EYA1: variants seen among roughly 807,000 people sequenced by gnomAD.
EYA1 encodes protein phosphatase EYA1.
A neutral mutation model predicts 82.0 loss-of-function variants in EYA1; 16 were observed. The ratio of observed to expected loss-of-function variants is 0.20; its 90% confidence interval spans 0.13 to 0.30. EYA1 has a LOEUF of 0.30. EYA1 is among the 10% of genes least tolerant of loss of function. The probability of loss-of-function intolerance (pLI) is 1.00; values close to 1 mark genes in which losing one functional copy is unlikely to be tolerated. For synonymous variants in EYA1, 261 were observed against 264.4 expected (o/e 0.99, Z 0.12); for missense variants, 633 against 730.7 (o/e 0.87, Z 1.54).
intron 2 of EYA1, among the ~76,000 whole-genome samples, chr8:71,395,573 T>C (rs1022933470): frequency 2.0e-5 from 3 of 152,230 alleles, no homozygotes; most frequent in African/African-American, 7.2e-5. Flanking sequence ...TCTTTGGTTC[T>C]GTTTATATGC....
chr8:71,251,201 T>C (rs1009723545), intron 11 of EYA1, among the ~76,000 whole-genome samples: 1 of 152,258 alleles, frequency 6.6e-6, no homozygotes, highest in Non-Finnish European at 1.5e-5. Context: ...TTGTAAAATA[T>C]GTTCTTATGT....
chr8:71,532,908 G>A (rs1814403886), intron 2 of EYA1, among the ~76,000 whole-genome samples: 1 of 152,144 alleles, frequency 6.6e-6, no homozygotes, highest in South Asian at 2.1e-4. Flanking sequence ...ATTTTTAAAA[G>A]AATATATCAT....
intron 17 of EYA1, among the ~76,000 whole-genome samples, chr8:71,207,070 C>T (rs952662783): frequency 3.3e-5 from 5 of 152,140 alleles, no homozygotes; most frequent in African/African-American, 1.2e-4. Flanking sequence ...TTGTTACTTA[C>T]TAATATTATG....
At chr8:71,232,065 T>C (rs1811262259) in intron 12 of EYA1, among the ~76,000 whole-genome samples, 1 of 152,236 alleles carries the variant, frequency 6.6e-6, no homozygotes, top group Non-Finnish European at 1.5e-5. Flanking sequence ...CAATGATGTT[T>C]GCAAAAGAAA....
At chr8:71,274,621 C>A (rs977137016) in intron 9 of EYA1, among the ~76,000 whole-genome samples, 12 of 152,274 alleles carry the variant, frequency 7.9e-5, no homozygotes, top group African/African-American at 2.4e-4. Flanking sequence ...ATGGTTCCTG[C>A]CTTCTCGGAG....
intron 2 of EYA1, among the ~76,000 whole-genome samples, chr8:71,450,372 ATTG>A (rs1367992655): frequency 1.3e-5 from 2 of 152,148 alleles, no homozygotes; most frequent in Admixed American, 6.5e-5. Flanking sequence ...TAATTTGACT[ATTG>A]TTGTGTCTCA....
intron 1 of EYA1, among the ~76,000 whole-genome samples, chr8:71,544,006 G>T (rs1442993293): frequency 6.6e-6 from 1 of 152,082 alleles, no homozygotes; most frequent in Non-Finnish European, 1.5e-5. Context: ...AGTAAGGATT[G>T]CCTGATGGAA....
At chr8:71,381,487 G>A (rs529202105) in intron 2 of EYA1, among the ~76,000 whole-genome samples, 30 of 152,312 alleles carry the variant, frequency 2.0e-4, no homozygotes, top group Non-Finnish European at 3.4e-4. Flanking sequence ...CCAGGGGTCA[G>A]GCTGAAGCCT....
chr8:71,480,341 G>T (rs527554355), intron 2 of EYA1, among the ~76,000 whole-genome samples: 1 of 152,092 alleles, frequency 6.6e-6, no homozygotes. Context: ...TGAGATTACC[G>T]GGGTACAAAA....
At chr8:71,478,819 G>A (rs1259966946) in intron 2 of EYA1, among the ~76,000 whole-genome samples, 1 of 152,070 alleles carries the variant, frequency 6.6e-6, no homozygotes, top group Non-Finnish European at 1.5e-5. Context: ...CCACAATAAA[G>A]CACTTTATCA....
chr8:71,357,346 C>G (rs1455629484), intron 1 of EYA1, among the ~76,000 whole-genome samples: 1 of 152,242 alleles, frequency 6.6e-6, no homozygotes, highest in Non-Finnish European at 1.5e-5. Flanking sequence ...ATCTGTACTT[C>G]AGGACTTCAC....
At chr8:71,237,164 G>A (rs1318565258) in intron 12 of EYA1, among the ~76,000 whole-genome samples, 2 of 151,768 alleles carry the variant, frequency 1.3e-5, no homozygotes, top group Non-Finnish European at 1.5e-5. Context: ...GGATTCTCCT[G>A]CCTCAGCCTC....
At chr8:71,515,387 T>G (rs1164749737) in intron 2 of EYA1, among the ~76,000 whole-genome samples, 1 of 152,088 alleles carries the variant, frequency 6.6e-6, no homozygotes, top group East Asian at 1.9e-4. Flanking sequence ...GAAACTAATC[T>G]AATTTATTAT....
intron 12 of EYA1, among the ~76,000 whole-genome samples, chr8:71,224,742 A>C (rs950076983): frequency 3.9e-5 from 6 of 152,242 alleles, no homozygotes; most frequent in Admixed American, 3.3e-4. Flanking sequence ...TCTTTCTCAC[A>C]GAAAACTAAA....
chr8:71,264,574 A>G (rs1251749018), intron 11 of EYA1, among the ~76,000 whole-genome samples: 2 of 136,528 alleles, frequency 1.5e-5, no homozygotes, highest in East Asian at 2.0e-4. Context: ...TTCGTGAGCA[A>G]TTCAATTTTT....
At chr8:71,455,752 G>T (rs1807840837) in intron 2 of EYA1, among the ~76,000 whole-genome samples, 1 of 152,056 alleles carries the variant, frequency 6.6e-6, no homozygotes, top group African/African-American at 2.4e-5. Flanking sequence ...TGATGGGATG[G>T]ATCTCAAAAT....
At chr8:71,528,260 C>T (rs1813967564) in intron 2 of EYA1, among the ~76,000 whole-genome samples, 1 of 152,188 alleles carries the variant, frequency 6.6e-6, no homozygotes, top group South Asian at 2.1e-4. Context: ...GCATATGGAC[C>T]AAGTGAGCTA....
At chr8:71,331,944 C>T (rs1408859144) in intron 4 of EYA1, among the ~76,000 whole-genome samples, 1 of 152,124 alleles carries the variant, frequency 6.6e-6, no homozygotes, top group Non-Finnish European at 1.5e-5. Context: ...AACTCCTGGG[C>T]TCAAGTGATC....
At chr8:71,451,881 G>T (rs1358749785) in intron 2 of EYA1, among the ~76,000 whole-genome samples, 1 of 152,194 alleles carries the variant, frequency 6.6e-6, no homozygotes, top group Non-Finnish European at 1.5e-5. Context: ...TTCCAACTGA[G>T]GTATCAGGTT....
Sources: gnomAD v4.1 joint callset for allele counts (sites outside exome capture counted in the v4.1 genomes callset) on GRCh38, gnomAD v4.1.1 for gene constraint, MANE v1.5 for transcripts, NCBI Gene and HGNC (gene_info 2026-07-23, HGNC 2026-07-21) for gene names.